Variants in COL4A2 observed in about 807,000 individuals in gnomAD.
COL4A2 encodes the protein collagen type IV alpha 2 chain, also known as collagen alpha-2(IV) chain.
A neutral mutation model predicts 200.2 loss-of-function variants in COL4A2; 99 were observed. The observed-to-expected ratio is 0.49, with a 90% CI of 0.42 to 0.58. The LOEUF (loss-of-function observed/expected upper bound fraction) is 0.58, where lower values mean the gene tolerates loss of function less well. Among genes scored for constraint, COL4A2 ranks in the 20% least tolerant of loss-of-function variants. The pLI, the probability that COL4A2 is intolerant of heterozygous loss-of-function variation, is 0.00. For missense variants in COL4A2, 1,950 were observed against 2,314.1 expected (o/e 0.84, Z 3.23); for synonymous variants, 897 against 900.6 (o/e 1.00, Z 0.07).
Position 110,480,248 on chromosome 13 carries a change from G to A in COL4A2, c.2616G>A (p.Gly872=). The A allele has an allele frequency of 6.2e-7, 1 of 1,610,820 alleles. No individual in the cohort carries two copies. Among genetic ancestry groups the A allele is most frequent in the Non-Finnish European group, 8.5e-7 (1 of 1,178,598 alleles). Residue 872 remains glycine (G), a synonymous_variant, in exon 31 of 48, where the codon GGG becomes GGA. Transcript: ENST00000360467. The stretch of plus-strand genomic sequence containing the variant: ...TGCCTGGTGATAGAGGGGACCCTGG[G>A]GACACAGGCGCTCCTGGCCCTGTGG... ...EGLPGDRGDP[G]DTGAPGPVGM... is the part of the protein sequence containing the mutation.
Position 110,489,449 on chromosome 13 carries a change from A to T in COL4A2, c.3212A>T (p.Asp1071Val). 1 of 1,614,162 alleles carries T rather than the reference A, an allele frequency of 6.2e-7. No individual in the cohort carries two copies. The highest frequency in any genetic ancestry group is 8.5e-7 in the Non-Finnish European group (1 of 1,180,024). The change falls in exon 35 of 48, where the codon GAC becomes GTC. Residue 1071 changes from aspartate (D) to valine (V), a missense_variant. By Grantham distance (152) the Asp-to-Val change is radical. Coordinates refer to ENST00000360467, the MANE Select transcript of COL4A2 (RefSeq NM_001846.4). ...ATGGTTCATGTCTGTCTTTAGGGTGACAAAGGTGCCCCAGGGAGAGCAGGC... is the reference window on the plus strand; with the variant it reads ...ATGGTTCATGTCTGTCTTTAGGGTGTCAAAGGTGCCCCAGGGAGAGCAGGC... ...GFPGFIGSRG[D>V]KGAPGRAGLY... is the part of the protein sequence containing the mutation.
At chr13:110,392,091 T>C (rs1022816191) in intron 4 of COL4A2, among the ~76,000 whole-genome samples, 4 of 152,130 alleles carry the variant, frequency 2.6e-5, no homozygotes, top group Non-Finnish European at 5.9e-5. Context: ...GGTGAAGAAC[T>C]TCAAATTTGA....
At chr13:110,421,862 A>G (rs1249181240) in intron 4 of COL4A2, among the ~76,000 whole-genome samples, 3 of 152,246 alleles carry the variant, frequency 2.0e-5, no homozygotes, top group African/African-American at 7.2e-5. Flanking sequence ...AAATGAGTTC[A>G]TGATGTGGTT....
chr13:110,452,259 G>A (rs1395661674), intron 20 of COL4A2, among the ~76,000 whole-genome samples: 3 of 152,236 alleles, frequency 2.0e-5, no homozygotes, highest in Non-Finnish European at 4.4e-5. Flanking sequence ...TCAGCCTCCC[G>A]AGTAGCTGGG....
intron 39 of COL4A2, among the ~76,000 whole-genome samples, chr13:110,493,829 C>T (rs1298583135): frequency 2.0e-5 from 3 of 152,142 alleles, no homozygotes; most frequent in Non-Finnish European, 2.9e-5. Flanking sequence ...TGGGGGGGGC[C>T]GCGTCCTGGC....
intron 20 of COL4A2, among the ~76,000 whole-genome samples, chr13:110,452,352 C>T (rs1242139794): frequency 1.3e-5 from 2 of 152,174 alleles, no homozygotes; most frequent in Non-Finnish European, 2.9e-5. Context: ...TTAATAGAGA[C>T]GGGGTTTCAC....
intron 40 of COL4A2, among the ~76,000 whole-genome samples, chr13:110,499,495 G>A (rs1001044865): frequency 2.0e-5 from 3 of 150,010 alleles, no homozygotes; most frequent in Admixed American, 6.7e-5. Flanking sequence ...TCCCTCCTAC[G>A]ACATGTAGGG....
chr13:110,402,625 C>T (rs1157180963), intron 4 of COL4A2, among the ~76,000 whole-genome samples: 3 of 152,222 alleles, frequency 2.0e-5, no homozygotes, highest in African/African-American at 7.2e-5. Flanking sequence ...GAAACCTACA[C>T]TGCCATGAAC....
chr13:110,347,852 A>C (rs4773164), intron 3 of COL4A2, among the ~76,000 whole-genome samples: 11 of 152,358 alleles, frequency 7.2e-5, no homozygotes, highest in African/African-American at 2.4e-4. Flanking sequence ...TTAAAATGTA[A>C]AGGTGTGCAG....
chr13:110,487,816 G>T (rs934227197), intron 34 of COL4A2, among the ~76,000 whole-genome samples: 4 of 152,192 alleles, frequency 2.6e-5, no homozygotes, highest in Non-Finnish European at 4.4e-5. Context: ...CTTTAGGTGG[G>T]GTTGTCATAG....
chr13:110,465,942 G>A (rs940385355), intron 25 of COL4A2, 61 bp from the exon 26 acceptor site: 16 of 1,584,496 alleles, frequency 1.0e-5, no homozygotes, highest in Non-Finnish European at 1.4e-5. Context: ...CGCCCCAGAC[G>A]AGCCAGTAAC....
At position 110,307,952 on chromosome 13, in the gene COL4A2, G is replaced by A; in HGVS notation, c.44+5G>A. 1.9e-6 allele frequency: 3 copies of A among 1,612,744 alleles called. No individual in the cohort carries two copies. The highest frequency in any genetic ancestry group is 1.1e-5 in the South Asian group (1 of 90,972). On this transcript the variant is annotated splice_donor_5th_base_variant and intron_variant, in intron 2 of 47. Coordinates refer to ENST00000360467, the MANE Select transcript of COL4A2 (RefSeq NM_001846.4). The surrounding 1 kb of genome is among the most constrained non-coding windows in gnomAD (Gnocchi z 5.0). ...GGCCGGCCCTGCCCTACGGCGGTAAGCGACTTTCTGCCTGGTCCCCGTGGG... is the reference window on the plus strand; with the variant it reads ...GGCCGGCCCTGCCCTACGGCGGTAAACGACTTTCTGCCTGGTCCCCGTGGG...
At position 110,469,906 on chromosome 13, in the gene COL4A2, C is replaced by CTTTTTTTTT. The variant is rs66524559; in HGVS notation, c.2203+597_2203+605dup. Among the ~76,000 whole-genome samples, 26 of 75,606 alleles carry CTTTTTTTTT rather than the reference C, an allele frequency of 3.4e-4. 3 individuals carry two copies. The highest frequency in any genetic ancestry group is 5.5e-4 in the Admixed American group (3 of 5,406). 49.6% of individuals were successfully genotyped at this position (75,606 alleles called of 152,430 possible). ...GCCTTGATTGCAGGGGCATACACGT[C>CTTTTTTTTT]TTTTTTTTTTTTTTTTTTTTTTTAA... is the stretch of plus-strand genomic sequence containing the variant. On this transcript the variant is annotated intron_variant, in intron 28 of 47. Transcript: ENST00000360467.
rs1881052368 is a variant in COL4A2, at chr13:110,439,807, G to A, written c.931G>A (p.Gly311Ser). ...PGLRGYPGLS[G>S]EKGSPGQKGS... is the part of the protein sequence containing the mutation. The stretch of plus-strand genomic sequence containing the variant: ...ATTCCAGGGTTACCCTGGCTTGAGT[G>A]GTGAAAAAGGATCACCAGGACAGAA... The change falls in exon 16 of 48, where the codon GGT (glycine) becomes AGT (serine). Residue 311 changes from glycine to serine, a missense_variant. Around this residue, in one of 2 missense-constraint regions of COL4A2, gnomAD observed 565 missense variants for 593.5 expected, o/e 0.95. Transcript: ENST00000360467. 1.2e-6 allele frequency: 2 copies of A among 1,613,870 alleles called. No homozygotes were observed. Among genetic ancestry groups the A allele is most frequent in the African/African-American group, 1.3e-5 (1 of 74,904 alleles).
intron 14 of COL4A2, 34 bp downstream of exon 14, chr13:110,438,071 TGGCTCCTG>T: frequency 1.2e-6 from 2 of 1,601,436 alleles, no homozygotes; most frequent in Non-Finnish European, 1.7e-6. Context: ...CCCTCCCCTG[TGGCTCCTG>T]GGCTGTCGGC....
chr13:110,511,635 C>T (rs538433884), intron 47 of COL4A2, among the ~76,000 whole-genome samples: 5 of 152,212 alleles, frequency 3.3e-5, no homozygotes, highest in Non-Finnish European at 5.9e-5. Context: ...ATCTACCGCT[C>T]GTATCTGCTG....
At chr13:110,421,587 A>C (rs1880253363) in intron 4 of COL4A2, among the ~76,000 whole-genome samples, 1 of 152,192 alleles carries the variant, frequency 6.6e-6, no homozygotes, top group Non-Finnish European at 1.5e-5. Flanking sequence ...GTGATTGATT[A>C]ATGGGTTTGG....
intron 13 of COL4A2, among the ~76,000 whole-genome samples, chr13:110,437,316 A>G (rs1472019245): frequency 6.6e-6 from 1 of 152,100 alleles, no homozygotes; most frequent in Non-Finnish European, 1.5e-5. Flanking sequence ...AGCAGGTTTG[A>G]TCCACGTGGA....
intron 43 of COL4A2, 95 bp downstream of exon 43, chr13:110,503,576 T>C: frequency 1.3e-6 from 1 of 787,014 alleles, no homozygotes; most frequent in South Asian, 1.8e-5. Flanking sequence ...GGATCCTCTC[T>C]GGCATGGGTC....
Sources: allele counts gnomAD v4.1 joint callset (sites outside exome capture counted in the v4.1 genomes callset), GRCh38; gene constraint gnomAD v4.1.1; regional missense constraint gnomAD v4.1.1; non-coding constraint Gnocchi (gnomAD v3.1); transcripts MANE v1.5; gene names NCBI Gene and HGNC (gene_info 2026-07-23, HGNC 2026-07-21).